The following NELL1 variants were observed in gnomAD, a reference collection of about 807,000 sequenced individuals.
NELL1 encodes the protein protein kinase C-binding protein NELL1.
A neutral mutation model predicts 107.4 loss-of-function variants in NELL1; 76 were observed. That is an observed-to-expected ratio of 0.71 (90% CI 0.59 to 0.86). The LOEUF (loss-of-function observed/expected upper bound fraction) is 0.86. NELL1 is among the 40% of genes least tolerant of loss of function. NELL1 has a pLI of 0.00. For synonymous variants in NELL1, 353 were observed against 341.2 expected (o/e 1.03, Z -0.38); for missense variants, 1,024 against 1,005.5 (o/e 1.02, Z -0.25).
At chr11:21,358,186 A>T (rs1040972234) in intron 14 of NELL1, among the ~76,000 whole-genome samples, 8 of 152,158 alleles carry the variant, frequency 5.3e-5, no homozygotes, top group African/African-American at 1.9e-4. Context: ...GTGAAGAATG[A>T]TGATGGTCCT....
rs781565679 is a variant in NELL1 at position 21,483,990 on chromosome 11, CATATATATATATATATATATATAT to C, written c.1646-50365_1646-50342del. 4.2e-4 allele frequency among the ~76,000 whole-genome samples: 37 copies of C among 88,400 alleles called. 1 individual carries two copies. The highest frequency in any genetic ancestry group is 5.7e-4 in the African/African-American group (12 of 20,902). 58.0% of individuals were successfully genotyped at this position (88,400 alleles called of 152,430 possible). ...TATTTGGGTATCCTATTTTACTTAA[CATATATATATATATATATATATAT>C]ATATATATATATATATATGTCAAAT... On this transcript the variant is annotated intron_variant, in intron 15 of 19. Transcript: ENST00000357134.
chr11:21,250,779 C>A (rs907766862), intron 14 of NELL1, among the ~76,000 whole-genome samples: 5 of 152,100 alleles, frequency 3.3e-5, no homozygotes, highest in Non-Finnish European at 5.9e-5. Flanking sequence ...TTATGATACA[C>A]ATATAAATTA....
intron 16 of NELL1, among the ~76,000 whole-genome samples, chr11:21,536,136 T>TA (rs1856130461): frequency 6.6e-6 from 1 of 152,178 alleles, no homozygotes; most frequent in Non-Finnish European, 1.5e-5. Context: ...TTCAAGGGAT[T>TA]CATGTGCAGG....
rs148066437 is a variant in NELL1, at chr11:21,418,641, C to CT, written c.1645+47696dup. Among the ~76,000 whole-genome samples, 757 of 152,168 alleles carry CT rather than the reference C, an allele frequency of 5.0e-3. 6 individuals are homozygous for CT. Among genetic ancestry groups the CT allele is most frequent in the African/African-American group, 0.017 (726 of 41,526 alleles). On this transcript the variant is annotated intron_variant, in intron 15 of 19. Coordinates refer to ENST00000357134, the MANE Select transcript of NELL1 (RefSeq NM_006157.5). ...GTCTCTAAACCACCACTTATTAATACTTTCCCATTGAAGAAATATACTTCC... is the reference window on the plus strand; with the variant it reads ...GTCTCTAAACCACCACTTATTAATACTTTTCCCATTGAAGAAATATACTTCC...
chr11:20,996,184 G>T (rs1002427193), intron 12 of NELL1, among the ~76,000 whole-genome samples: 1 of 152,096 alleles, frequency 6.6e-6, no homozygotes, highest in Non-Finnish European at 1.5e-5. Context: ...CTGTTGTTTG[G>T]ATGGACTCAG....
chr11:20,792,704 T>G (rs1343041989), intron 3 of NELL1, among the ~76,000 whole-genome samples: 1 of 152,022 alleles, frequency 6.6e-6, no homozygotes, highest in Non-Finnish European at 1.5e-5. Context: ...AATCCTTGAA[T>G]AAACTTACAT....
chr11:20,691,196 C>G lies in NELL1; in HGVS notation c.184+13136C>G, dbSNP rs549122794. 5.2e-3 allele frequency among the ~76,000 whole-genome samples: 797 copies of G among 152,040 alleles called. 10 individuals carry two copies. The highest frequency in any genetic ancestry group is 0.02 in the Middle Eastern group (6 of 294). On this transcript the variant is annotated intron_variant, in intron 2 of 19. Transcript: ENST00000357134. ...AGGAGATTTTGGGCTGAGACAATGG[C>G]GTTTTCTAGATATGCAATCATGTCA... is the stretch of plus-strand genomic sequence containing the variant.
intron 14 of NELL1, among the ~76,000 whole-genome samples, chr11:21,325,567 TC>T (rs1238557159): frequency 6.6e-6 from 1 of 150,628 alleles, no homozygotes; most frequent in South Asian, 2.1e-4. Flanking sequence ...TTGATTTTTT[TC>T]CCCATTTCTA....
At chr11:20,678,081 G>T (rs765707191) in intron 2 of NELL1, 21 bp downstream of exon 2, 3 of 1,613,580 alleles carry the variant, frequency 1.9e-6, no homozygotes, top group Non-Finnish European at 2.5e-6. Context: ...CTCCTTTCTT[G>T]CATGGTGGCA....
At chr11:21,129,095 G>C (rs1855555505) in intron 13 of NELL1, among the ~76,000 whole-genome samples, 1 of 151,998 alleles carries the variant, frequency 6.6e-6, no homozygotes, top group Non-Finnish European at 1.5e-5. Flanking sequence ...CTATTCTTTG[G>C]TGGATTATTA....
At chr11:20,785,045 G>GA (rs1856926221) in intron 3 of NELL1, among the ~76,000 whole-genome samples, 1 of 152,186 alleles carries the variant, frequency 6.6e-6, no homozygotes, top group Admixed American at 6.5e-5. Context: ...TTGAAGCACA[G>GA]GCAGAATTCC....
At chr11:20,995,277 A>G (rs1852064402) in intron 12 of NELL1, among the ~76,000 whole-genome samples, 1 of 152,130 alleles carries the variant, frequency 6.6e-6, no homozygotes, top group Admixed American at 6.5e-5. Flanking sequence ...GAGTTAGAAG[A>G]AGCAATAAAA....
chr11:21,529,026 T>C (rs951346646), intron 15 of NELL1, among the ~76,000 whole-genome samples: 2 of 152,076 alleles, frequency 1.3e-5, no homozygotes, highest in Admixed American at 1.3e-4. Flanking sequence ...AATTAGGAAA[T>C]GCTGGCTAGC....
chr11:21,344,279 G>C (rs982081715), intron 14 of NELL1, among the ~76,000 whole-genome samples: 1 of 152,184 alleles, frequency 6.6e-6, no homozygotes, highest in Non-Finnish European at 1.5e-5. Context: ...AGCTGGTAGA[G>C]AGATTTCAGC....
At chr11:20,904,216 T>TA (rs59464771) in intron 5 of NELL1, among the ~76,000 whole-genome samples, 7,897 of 137,628 alleles carry the variant, frequency 0.057, 611 homozygotes, top group African/African-American at 0.19. Context: ...AATAAATAAA[T>TA]AAAAAAAAAA....
In NELL1 at chr11:21,008,646, A is replaced by G. The variant is rs1297993652; in HGVS notation, c.1300+48086A>G. On this transcript the variant is annotated intron_variant, in intron 12 of 19. Coordinates refer to ENST00000357134, the MANE Select transcript of NELL1 (RefSeq NM_006157.5). ...GAAGTGTGGTGTGGGAGAGATAATT[A>G]TAGGGAAAGGTTAGCTTTTTGGGAG... is the stretch of plus-strand genomic sequence containing the variant. Among the ~76,000 whole-genome samples, 5 of 152,112 alleles carry G rather than the reference A, an allele frequency of 3.3e-5. No individual in the cohort carries two copies. In the East Asian group the frequency reaches 9.7e-4, roughly 29 times the overall value.
intron 3 of NELL1, among the ~76,000 whole-genome samples, chr11:20,837,757 G>A (rs1038450477): frequency 6.6e-6 from 1 of 152,086 alleles, no homozygotes; most frequent in Non-Finnish European, 1.5e-5. Context: ...AAAATAAACA[G>A]TGTTGGATTG....
intron 3 of NELL1, among the ~76,000 whole-genome samples, chr11:20,792,374 G>T (rs972396936): frequency 6.6e-6 from 1 of 151,838 alleles, no homozygotes; most frequent in Non-Finnish European, 1.5e-5. Context: ...ACAAATCAAA[G>T]GTGTTCATTA....
intron 13 of NELL1, among the ~76,000 whole-genome samples, chr11:21,153,814 G>C (rs1052884310): frequency 6.6e-6 from 1 of 152,086 alleles, no homozygotes; most frequent in Non-Finnish European, 1.5e-5. Context: ...GGATATCTAG[G>C]ATTGTCTGAC....
Sources: gnomAD v4.1 joint callset for allele counts (sites outside exome capture counted in the v4.1 genomes callset) on GRCh38, gnomAD v4.1.1 for gene constraint, MANE v1.5 for transcripts, NCBI Gene and HGNC (gene_info 2026-07-23, HGNC 2026-07-21) for gene names.